The following USH2A variants were observed in gnomAD, a reference collection of about 807,000 sequenced individuals.
The protein encoded by USH2A is Usher syndrome 2A (autosomal recessive, mild).
A neutral mutation model predicts 538.9 loss-of-function variants in USH2A; 443 were observed. The observed-to-expected ratio is 0.82, with a 90% CI of 0.76 to 0.89. The LOEUF (loss-of-function observed/expected upper bound fraction) is 0.89. Among genes scored for constraint, USH2A ranks in the 40% least tolerant of loss-of-function variants. The probability of loss-of-function intolerance (pLI) is 0.00; values close to 1 mark genes in which losing one functional copy is unlikely to be tolerated. For missense variants in USH2A, 6,633 were observed against 6,324.8 expected (o/e 1.05, Z -1.65); for synonymous variants, 2,413 against 2,273.5 (o/e 1.06, Z -1.75).
chr1:216,309,998 C>T (rs2037390215), intron 9 of USH2A, among the ~76,000 whole-genome samples: 2 of 151,916 alleles, frequency 1.3e-5, no homozygotes, highest in East Asian at 1.9e-4. Flanking sequence ...AGTTATTGGT[C>T]TGTGGTTTTC....
At position 216,417,989 on chromosome 1, in the gene USH2A, T is replaced by A. The variant is rs201565829; in HGVS notation, c.651+525A>T. Reference sequence around the variant, plus strand: ...AGCCTTTAGCAGCTTCTAAGGCTCATACAAACTGTGGTTGACAACTAAAAT... The same window carrying A: ...AGCCTTTAGCAGCTTCTAAGGCTCAAACAAACTGTGGTTGACAACTAAAAT... On this transcript the variant is annotated intron_variant, in intron 3 of 71. Transcript: ENST00000307340. Among the ~76,000 whole-genome samples, 20 of 152,240 alleles carry A rather than the reference T, an allele frequency of 1.3e-4. No individual in the cohort carries two copies. The East Asian group carries it at 1.9e-3, about 15-fold the overall frequency.
At chr1:216,381,929 A>G (rs1480547886) in intron 3 of USH2A, among the ~76,000 whole-genome samples, 1 of 152,168 alleles carries the variant, frequency 6.6e-6, no homozygotes, top group Admixed American at 6.5e-5. Context: ...TGTATTTTCA[A>G]TCTGTGTTTA....
chr1:216,162,915 A>C (rs1316434266), intron 21 of USH2A, among the ~76,000 whole-genome samples: 1 of 152,106 alleles, frequency 6.6e-6, no homozygotes, highest in Non-Finnish European at 1.5e-5. Context: ...ATTGTTACAC[A>C]GAATTTTTGA....
At chr1:215,776,378 CT>C (rs544341314) in intron 55 of USH2A, among the ~76,000 whole-genome samples, 5 of 152,222 alleles carry the variant, frequency 3.3e-5, no homozygotes, top group East Asian at 1.9e-4. Flanking sequence ...TTACTTAATG[CT>C]TTTTTTAACA....
intron 56 of USH2A, among the ~76,000 whole-genome samples, chr1:215,763,669 T>C (rs192076998): frequency 1.3e-5 from 2 of 152,084 alleles, no homozygotes; most frequent in African/African-American, 4.8e-5. Flanking sequence ...AATGGGACTT[T>C]ATGGAGGTGA....
chr1:216,121,497 A>G (rs1323279790), intron 21 of USH2A, among the ~76,000 whole-genome samples: 2 of 152,136 alleles, frequency 1.3e-5, no homozygotes, highest in East Asian at 3.9e-4. Flanking sequence ...AACAAACAGG[A>G]CATTTTAGCT....
At chr1:216,389,514 T>C (rs1478337695) in intron 3 of USH2A, among the ~76,000 whole-genome samples, 1 of 152,152 alleles carries the variant, frequency 6.6e-6, no homozygotes, top group Non-Finnish European at 1.5e-5. Flanking sequence ...AATAAAACAA[T>C]TTTTAATTTT....
chr1:215,804,847 C>T (rs576724104), intron 49 of USH2A, among the ~76,000 whole-genome samples: 84 of 152,124 alleles, frequency 5.5e-4, no homozygotes, highest in Middle Eastern at 6.8e-3. Flanking sequence ...ATGTTTATTG[C>T]GGCACTATTC....
intron 58 of USH2A, among the ~76,000 whole-genome samples, chr1:215,745,856 T>A (rs990932068): frequency 1.3e-5 from 2 of 152,172 alleles, no homozygotes; most frequent in African/African-American, 4.8e-5. Context: ...GGCAGAGCCA[T>A]TCTTGGAGAC....
rs906045548 is a variant in USH2A, at chr1:215,843,348, AT to A, written c.9258+945del. 4.0e-5 allele frequency among the ~76,000 whole-genome samples: 6 copies of A among 151,678 alleles called. No individual in the cohort carries two copies. In the East Asian group the frequency reaches 5.8e-4, roughly 15 times the overall value. On this transcript the variant is annotated intron_variant, in intron 46 of 71. Transcript: ENST00000307340. Reference sequence around the variant, plus strand: ...AATGTGGGGTTTCTGAAATACTCTGATTTTTTTTTATCACTCATTTGCACAT... The same window carrying A: ...AATGTGGGGTTTCTGAAATACTCTGATTTTTTTTATCACTCATTTGCACAT...
intron 40 of USH2A, among the ~76,000 whole-genome samples, chr1:215,899,132 G>A (rs371826741): frequency 6.6e-6 from 1 of 152,024 alleles, no homozygotes; most frequent in African/African-American, 2.4e-5. Flanking sequence ...GCAATTAAAG[G>A]TATTATAGAA....
intron 11 of USH2A, among the ~76,000 whole-genome samples, chr1:216,268,987 CA>C (rs2036526601): frequency 6.6e-6 from 1 of 152,032 alleles, no homozygotes; most frequent in African/African-American, 2.4e-5. Flanking sequence ...CTTTCTCTTC[CA>C]ACTCCCCAAA....
chr1:216,049,100 T>C (rs887347881), intron 30 of USH2A, among the ~76,000 whole-genome samples: 2 of 152,222 alleles, frequency 1.3e-5, no homozygotes, highest in African/African-American at 4.8e-5. Flanking sequence ...ATTAACACAC[T>C]TTAAAAATGC....
chr1:216,070,521 C>A (rs1181381952), intron 29 of USH2A, among the ~76,000 whole-genome samples: 1 of 152,116 alleles, frequency 6.6e-6, no homozygotes, highest in South Asian at 2.1e-4. Flanking sequence ...AACATTCTTT[C>A]AAGTCTAGTC....
chr1:215,933,762 G>C (rs948579739), intron 38 of USH2A, among the ~76,000 whole-genome samples: 4 of 151,910 alleles, frequency 2.6e-5, no homozygotes, highest in African/African-American at 9.7e-5. Flanking sequence ...TCATTCCTGG[G>C]AGATGGGCTA....
chr1:215,773,532 C>T (rs956780902), intron 55 of USH2A, among the ~76,000 whole-genome samples: 3 of 150,978 alleles, frequency 2.0e-5, no homozygotes, highest in Non-Finnish European at 3.0e-5. Flanking sequence ...CTCTCTCTCT[C>T]TGTCTTTCTC....
At chr1:215,785,932 T>C (rs371050485) in intron 52 of USH2A, among the ~76,000 whole-genome samples, 1 of 146,396 alleles carries the variant, frequency 6.8e-6, no homozygotes, top group Non-Finnish European at 1.5e-5. Context: ...TGATAGATGA[T>C]ACACACACAC....
chr1:216,224,055 C>A (rs2035514284), intron 14 of USH2A, among the ~76,000 whole-genome samples: 1 of 152,150 alleles, frequency 6.6e-6, no homozygotes, highest in Non-Finnish European at 1.5e-5. Context: ...TGTGTGTCAG[C>A]TAGTAAATGG....
At chr1:216,174,596 C>T in intron 21 of USH2A, 1 of 980,626 alleles carries the variant, frequency 1.0e-6, no homozygotes, top group Non-Finnish European at 1.2e-6. Context: ...TACATTAACA[C>T]TGAGTTTTTT....
Sources: gnomAD v4.1 joint callset for allele counts (sites outside exome capture counted in the v4.1 genomes callset) on GRCh38, gnomAD v4.1.1 for gene constraint, MANE v1.5 for transcripts, NCBI Gene and HGNC (gene_info 2026-07-23, HGNC 2026-07-21) for gene names.